Variants in CDKAL1 observed in about 807,000 individuals in gnomAD.
CDKAL1 encodes threonylcarbamoyladenosine tRNA methylthiotransferase.
Under a neutral mutation model 68.2 loss-of-function variants are expected in CDKAL1, and 32 were observed. The ratio of observed to expected loss-of-function variants is 0.47; its 90% CI spans 0.35 to 0.63. The LOEUF (loss-of-function observed/expected upper bound fraction) is 0.63. Among genes scored for constraint, CDKAL1 ranks in the 30% least tolerant of loss-of-function variants. The probability of loss-of-function intolerance (pLI) is 0.00; values close to 1 mark genes in which losing one functional copy is unlikely to be tolerated. For missense variants in CDKAL1, 606 were observed against 696.7 expected (o/e 0.87, Z 1.47); for synonymous variants, 234 against 244.3 (o/e 0.96, Z 0.39).
intron 10 of CDKAL1, among the ~76,000 whole-genome samples, chr6:20,965,733 C>T (rs908856193): frequency 6.6e-6 from 1 of 152,176 alleles, no homozygotes; most frequent in Non-Finnish European, 1.5e-5. Context: ...CTTAATTTCA[C>T]CCGGAGTAGC....
chr6:21,222,340 T>C (rs1036571202), intron 15 of CDKAL1, among the ~76,000 whole-genome samples: 2 of 152,186 alleles, frequency 1.3e-5, no homozygotes, highest in Admixed American at 6.5e-5. Context: ...ATTCCCAGAA[T>C]TGAAACAGAA....
chr6:20,756,681 C>A (rs1774185886), intron 6 of CDKAL1: 1 of 152,248 alleles, frequency 6.6e-6, no homozygotes, highest in Non-Finnish European at 1.5e-5. Context: ...ATTATTGTTG[C>A]TGCTGCCATC....
intron 12 of CDKAL1, among the ~76,000 whole-genome samples, chr6:21,075,269 A>C (rs2150949307): frequency 6.6e-6 from 1 of 152,290 alleles, no homozygotes; most frequent in East Asian, 1.9e-4. Flanking sequence ...CATAAGGATA[A>C]GTATACTCTC....
intron 4 of CDKAL1, among the ~76,000 whole-genome samples, chr6:20,623,161 T>C (rs6456360): frequency 0.49 from 73,579 of 151,220 alleles, 17,978 homozygotes; most frequent in East Asian, 0.64. Flanking sequence ...ACAGATTGTT[T>C]TGGTCAAATT....
intron 13 of CDKAL1, among the ~76,000 whole-genome samples, chr6:21,172,476 G>A (rs770690245): frequency 3.9e-5 from 6 of 152,190 alleles, no homozygotes; most frequent in Non-Finnish European, 8.8e-5. Flanking sequence ...TTGGCTGGGC[G>A]AGGTGGTTCA....
intron 8 of CDKAL1, among the ~76,000 whole-genome samples, chr6:20,791,363 C>G (rs554390277): frequency 6.6e-6 from 1 of 152,266 alleles, no homozygotes; most frequent in East Asian, 1.9e-4. Flanking sequence ...ACGTAGACTG[C>G]TATTTGCTTA....
At chr6:20,646,219 G>A (rs1768453797) in intron 4 of CDKAL1, among the ~76,000 whole-genome samples, 1 of 151,524 alleles carries the variant, frequency 6.6e-6, no homozygotes, top group African/African-American at 2.4e-5. Context: ...ACTGCACCCG[G>A]CTAATTTTTG....
intron 15 of CDKAL1, among the ~76,000 whole-genome samples, chr6:21,219,591 GA>G (rs1358512229): frequency 2.0e-5 from 3 of 152,224 alleles, no homozygotes; most frequent in Non-Finnish European, 2.9e-5. Context: ...TCTCATTTAT[GA>G]GATTCTTTGA....
intron 8 of CDKAL1, among the ~76,000 whole-genome samples, chr6:20,832,878 G>A (rs1002845709): frequency 3.3e-5 from 5 of 152,190 alleles, no homozygotes; most frequent in African/African-American, 1.2e-4. Context: ...ACATTTTCCT[G>A]TAATTTTCTT....
At chr6:21,053,862 T>A (rs895419511) in intron 11 of CDKAL1, among the ~76,000 whole-genome samples, 3 of 152,202 alleles carry the variant, frequency 2.0e-5, no homozygotes, top group Non-Finnish European at 4.4e-5. Flanking sequence ...TGGATACAAG[T>A]CTTTTTATTG....
chr6:20,809,501 T>C (rs1309491806), intron 8 of CDKAL1, among the ~76,000 whole-genome samples: 1 of 152,194 alleles, frequency 6.6e-6, no homozygotes, highest in Non-Finnish European at 1.5e-5. Context: ...GATATTTTAC[T>C]ACACTTGGAA....
intron 15 of CDKAL1, among the ~76,000 whole-genome samples, chr6:21,224,470 C>T (rs971416905): frequency 3.9e-5 from 6 of 152,054 alleles, no homozygotes; most frequent in African/African-American, 1.2e-4. Flanking sequence ...GCCGAGATTG[C>T]GCCACTGTAC....
chr6:20,726,018 G>GTT (rs200085537), intron 5 of CDKAL1, among the ~76,000 whole-genome samples: 1 of 150,380 alleles, frequency 6.6e-6, no homozygotes, highest in South Asian at 2.1e-4. Context: ...CCTAAAATAC[G>GTT]TTTTTTTTTC....
At chr6:21,167,213 T>G (rs1324281187) in intron 13 of CDKAL1, among the ~76,000 whole-genome samples, 1 of 152,190 alleles carries the variant, frequency 6.6e-6, no homozygotes, top group Non-Finnish European at 1.5e-5. Flanking sequence ...ATGGTGTTTT[T>G]GAGCCCGTGA....
intron 4 of CDKAL1, among the ~76,000 whole-genome samples, chr6:20,645,871 C>T (rs1768429412): frequency 6.6e-6 from 1 of 150,786 alleles, no homozygotes; most frequent in Non-Finnish European, 1.5e-5. Flanking sequence ...TGAGCCTAGG[C>T]CTACAAAGGG....
At chr6:20,602,616 C>T (rs190809999) in intron 4 of CDKAL1, among the ~76,000 whole-genome samples, 2 of 152,248 alleles carry the variant, frequency 1.3e-5, no homozygotes, top group East Asian at 3.9e-4. Flanking sequence ...GGTAGATGAA[C>T]AGGTTACCTG....
intron 4 of CDKAL1, among the ~76,000 whole-genome samples, chr6:20,621,972 G>T (rs1767215039): frequency 6.6e-6 from 1 of 151,744 alleles, no homozygotes; most frequent in African/African-American, 2.4e-5. Context: ...CCCAGTGTCA[G>T]GGAAAAATGT....
At chr6:20,900,813 T>A (rs1465674496) in intron 9 of CDKAL1, among the ~76,000 whole-genome samples, 1 of 152,132 alleles carries the variant, frequency 6.6e-6, no homozygotes, top group Non-Finnish European at 1.5e-5. Flanking sequence ...AAAAAATGAA[T>A]AACATTTCTT....
At chr6:20,821,531 G>T (rs1018334984) in intron 8 of CDKAL1, among the ~76,000 whole-genome samples, 1 of 152,118 alleles carries the variant, frequency 6.6e-6, no homozygotes, top group Non-Finnish European at 1.5e-5. Flanking sequence ...GGTATCATTT[G>T]CTTATATATT....
Sources: allele counts gnomAD v4.1 joint callset (sites outside exome capture counted in the v4.1 genomes callset), GRCh38; gene constraint gnomAD v4.1.1; transcripts MANE v1.5; gene names NCBI Gene and HGNC (gene_info 2026-07-23, HGNC 2026-07-21).